Variants in MOB3B observed in about 807,000 individuals in gnomAD.
MOB3B encodes the protein MOB kinase activator 3B.
A neutral mutation model predicts 18.7 loss-of-function variants in MOB3B; 7 were observed. The ratio of observed to expected loss-of-function variants is 0.37; its 90% CI spans 0.21 to 0.70. MOB3B has a LOEUF of 0.70. Ranked by LOEUF, MOB3B falls within the 30% of genes least tolerant of loss-of-function variation. MOB3B has a pLI of 0.52. For missense variants in MOB3B, 253 were observed against 281.3 expected, an observed-to-expected ratio of 0.90 and a Z score of 0.72; for synonymous variants, 111 against 99.9, an observed-to-expected ratio of 1.11 and a Z score of -0.66.
intron 2 of MOB3B, among the ~76,000 whole-genome samples, chr9:27,451,858 A>G (rs1822789751): frequency 6.6e-6 from 1 of 152,226 alleles, no homozygotes; most frequent in Non-Finnish European, 1.5e-5. Flanking sequence ...CAGGAGAAGG[A>G]AAAAGAGGAG....
intron 1 of MOB3B, among the ~76,000 whole-genome samples, chr9:27,470,223 T>G (rs1819451614): frequency 6.6e-6 from 1 of 152,126 alleles, no homozygotes; most frequent in South Asian, 2.1e-4. Context: ...TTTAAGCCTT[T>G]TAAAGCAACA....
intron 1 of MOB3B, chr9:27,524,609 C>G (rs1820401020): frequency 5.0e-6 from 8 of 1,614,028 alleles, no homozygotes; most frequent in Non-Finnish European, 6.8e-6. Flanking sequence ...ATGAAATGTC[C>G]CTACAGGCCT....
chr9:27,492,680 T>C (rs565628124), intron 1 of MOB3B, among the ~76,000 whole-genome samples: 1 of 152,324 alleles, frequency 6.6e-6, no homozygotes, highest in Admixed American at 6.5e-5. Flanking sequence ...CAGAAGGTAA[T>C]TAACTCCAGT....
intron 1 of MOB3B, among the ~76,000 whole-genome samples, chr9:27,521,232 A>C (rs1432538874): frequency 6.6e-6 from 1 of 152,220 alleles, no homozygotes; most frequent in Non-Finnish European, 1.5e-5. Context: ...ACACAAAAGT[A>C]CATTTTTAGA....
At chr9:27,403,062 G>C (rs1305355630) in intron 2 of MOB3B, among the ~76,000 whole-genome samples, 3 of 151,722 alleles carry the variant, frequency 2.0e-5, no homozygotes, top group African/African-American at 7.2e-5. Context: ...ACTAGTCATG[G>C]ACCGAAAAAA....
chr9:27,386,503 C>T lies in MOB3B; in HGVS notation c.419-27267G>A, dbSNP rs146443171. On this transcript the variant is annotated intron_variant, in intron 2 of 3. Transcript: ENST00000262244. The stretch of plus-strand genomic sequence containing the variant: ...ATTTTCGATCTTCTCAGGAACAGCA[C>T]GAATAATTTTTTTCTTCACATGCTA... Among the ~76,000 whole-genome samples the T allele has an allele frequency of 1.5e-3, 231 of 152,274 alleles. 1 individual carries two copies. The highest frequency in any genetic ancestry group is 5.3e-3 in the African/African-American group (220 of 41,538).
chr9:27,500,441 C>T (rs1021995332), intron 1 of MOB3B, among the ~76,000 whole-genome samples: 3 of 152,054 alleles, frequency 2.0e-5, no homozygotes, highest in Non-Finnish European at 4.4e-5. Context: ...AGAAATAACA[C>T]CACAAATCTA....
At chr9:27,331,311 T>G (rs796215422) in intron 3 of MOB3B, among the ~76,000 whole-genome samples, 17 of 152,272 alleles carry the variant, frequency 1.1e-4, no homozygotes, top group African/African-American at 4.1e-4. Context: ...CCCCTCTTCA[T>G]TTGTCAAATT....
chr9:27,520,229 T>C (rs1382095379), intron 1 of MOB3B, among the ~76,000 whole-genome samples: 3 of 152,220 alleles, frequency 2.0e-5, no homozygotes, highest in African/African-American at 4.8e-5. Context: ...AATTCTGCCT[T>C]GTCCATTACA....
At chr9:27,395,741 C>G (rs968856492) in intron 2 of MOB3B, among the ~76,000 whole-genome samples, 1 of 152,206 alleles carries the variant, frequency 6.6e-6, no homozygotes, top group Admixed American at 6.5e-5. Flanking sequence ...AGAACGGTAG[C>G]AAGAGCCCAG....
rs146548950 is a variant in MOB3B at position 27,437,258 on chromosome 9, A to G, written c.418+17875T>C. 6.0e-4 allele frequency among the ~76,000 whole-genome samples: 91 copies of G among 152,324 alleles called. 1 individual carries two copies. Among genetic ancestry groups the G allele is most frequent in the African/African-American group, 2.1e-3 (87 of 41,586 alleles). On this transcript the variant is annotated intron_variant, in intron 2 of 3. Coordinates refer to ENST00000262244, the MANE Select transcript of MOB3B (RefSeq NM_024761.5). ...AAATAAATTATTTGCTCTGTGGGAA[A>G]TGGGCTACAGTTGTGCCCTTCTTGG...
chr9:27,457,036 C>T (rs1819176469), intron 1 of MOB3B, among the ~76,000 whole-genome samples: 1 of 152,140 alleles, frequency 6.6e-6, no homozygotes, highest in African/African-American at 2.4e-5. Flanking sequence ...CTTCCTGGGT[C>T]TCCAAGAGAT....
intron 2 of MOB3B, among the ~76,000 whole-genome samples, chr9:27,448,915 C>G (rs74539932): frequency 6.6e-6 from 1 of 152,130 alleles, no homozygotes; most frequent in Admixed American, 6.5e-5. Flanking sequence ...TGTAGGTAAC[C>G]TTGCCCAACG....
intron 2 of MOB3B, among the ~76,000 whole-genome samples, chr9:27,397,743 T>C (rs1011329127): frequency 6.6e-6 from 1 of 152,182 alleles, no homozygotes; most frequent in Non-Finnish European, 1.5e-5. Flanking sequence ...TACTTGATAG[T>C]TTGTGGAATT....
chr9:27,417,330 C>T (rs1030198198), intron 2 of MOB3B, among the ~76,000 whole-genome samples: 1 of 152,178 alleles, frequency 6.6e-6, no homozygotes, highest in African/African-American at 2.4e-5. Flanking sequence ...CGTCACTGTA[C>T]TCCAGCTTGG....
At chr9:27,363,638 T>C (rs112484356) in intron 2 of MOB3B, among the ~76,000 whole-genome samples, 13,778 of 151,566 alleles carry the variant, frequency 0.091, 728 homozygotes, top group African/African-American at 0.12. Context: ...GCCACAAGGG[T>C]AAAAGGAGAT....
intron 2 of MOB3B, among the ~76,000 whole-genome samples, chr9:27,419,282 T>G (rs1459720036): frequency 6.6e-6 from 1 of 152,134 alleles, no homozygotes; most frequent in Non-Finnish European, 1.5e-5. Flanking sequence ...CCACCATCAT[T>G]CTTCACATAA....
intron 1 of MOB3B, chr9:27,525,016 C>T (rs535989571): frequency 2.9e-6 from 4 of 1,386,322 alleles, no homozygotes; most frequent in Non-Finnish European, 3.9e-6. Context: ...TCTCCTTCTC[C>T]TCCTCCAACT....
intron 2 of MOB3B, among the ~76,000 whole-genome samples, chr9:27,451,064 C>A (rs1259487250): frequency 1.3e-5 from 2 of 152,128 alleles, no homozygotes; most frequent in African/African-American, 2.4e-5. Context: ...ACTTAAAAAA[C>A]CCATGAGTTG....
Sources: allele counts gnomAD v4.1 joint callset (sites outside exome capture counted in the v4.1 genomes callset), GRCh38; gene constraint gnomAD v4.1.1; transcripts MANE v1.5; gene names NCBI Gene and HGNC (gene_info 2026-07-23, HGNC 2026-07-21).